The following PAX5 variants were observed in gnomAD, a reference collection of about 807,000 sequenced individuals.
PAX5 encodes the protein paired box protein Pax-5.
PAX5 carries 9 observed loss-of-function variants against 43.7 expected under a neutral mutation model. The observed-to-expected ratio is 0.21, with a 90% CI of 0.12 to 0.36. The LOEUF (loss-of-function observed/expected upper bound fraction) is 0.36, where lower values mean the gene tolerates loss of function less well. Ranked by LOEUF, PAX5 falls within the 10% of genes least tolerant of loss-of-function variation. The pLI, the probability that PAX5 is intolerant of heterozygous loss-of-function variation, is 1.00. For missense variants in PAX5, 383 were observed against 532.7 expected, an observed-to-expected ratio of 0.72 and a Z score of 2.77; for synonymous variants, 228 against 214.3, an observed-to-expected ratio of 1.06 and a Z score of -0.56.
intron 6 of PAX5, among the ~76,000 whole-genome samples, chr9:36,924,877 C>G (rs1488235529): frequency 6.1e-5 from 1 of 16,416 alleles, no homozygotes; most frequent in Non-Finnish European, 1.5e-4. Flanking sequence ...AACACTTAAG[C>G]CAACAAATTT....
intron 6 of PAX5, among the ~76,000 whole-genome samples, chr9:36,954,238 G>T (rs1412349885): frequency 6.6e-6 from 1 of 152,118 alleles, no homozygotes; most frequent in Non-Finnish European, 1.5e-5. Flanking sequence ...TAATCTGGCA[G>T]ATCTCAGCTG....
At position 37,034,104 on chromosome 9, in the gene PAX5, T is replaced by TC. The variant is rs1588295900; in HGVS notation, c.-74_-73insG. 3 of 645,028 alleles carry TC rather than the reference T, an allele frequency of 4.7e-6. No individual in the cohort carries two copies. Among genetic ancestry groups the TC allele is most frequent in the African/African-American group, 4.1e-5 (2 of 48,556 alleles). 40.0% of individuals were successfully genotyped at this position (645,028 alleles called of 1,614,324 possible). A position where few individuals can be genotyped will look rare whatever the true frequency, so the allele number is the denominator to read the frequency against. ...TTTTTGTGCCTTTTTTTTTCTTTTT[T>TC]TTTTTTTTTTTTTTTTTTTTTTGGT... On this transcript the variant is annotated 5_prime_UTR_variant, in exon 1 of 10. Transcript: ENST00000358127.
intron 5 of PAX5, among the ~76,000 whole-genome samples, chr9:36,976,832 C>A (rs964983309): frequency 6.6e-6 from 1 of 152,186 alleles, no homozygotes; most frequent in Non-Finnish European, 1.5e-5. Flanking sequence ...GCTGGTGATT[C>A]CACATTCGAG....
At chr9:36,965,896 G>T (rs1455805252) in intron 6 of PAX5, among the ~76,000 whole-genome samples, 8 of 152,286 alleles carry the variant, frequency 5.3e-5, no homozygotes, top group Admixed American at 5.2e-4. Flanking sequence ...TCACTGGGCC[G>T]AGCCTCGTGA....
At chr9:36,976,651 A>G (rs1464102875) in intron 5 of PAX5, among the ~76,000 whole-genome samples, 2 of 152,000 alleles carry the variant, frequency 1.3e-5, no homozygotes, top group African/African-American at 4.8e-5. Flanking sequence ...GAAAATTTCC[A>G]CTGAAACTAC....
At chr9:36,850,289 C>T (rs149460315) in intron 8 of PAX5, among the ~76,000 whole-genome samples, 59 of 152,338 alleles carry the variant, frequency 3.9e-4, no homozygotes, top group Non-Finnish European at 6.6e-4. Flanking sequence ...GGAGGACAGG[C>T]TGGAGGAGGA....
chr9:36,881,917 G>T, intron 8 of PAX5, 87 bp downstream of exon 8: 1 of 959,490 alleles, frequency 1.0e-6, no homozygotes, highest in Non-Finnish European at 1.6e-6. Context: ...GAAGCGTAGA[G>T]GTCACCCAGG....
In PAX5 at chr9:37,015,113, T is replaced by G. The variant is rs1212636536; in HGVS notation, c.294A>C (p.Lys98Asn). The G allele has an allele frequency of 6.2e-7, 1 of 1,614,212 alleles. No individual in the cohort carries two copies. The highest frequency in any genetic ancestry group is 1.1e-5 in the South Asian group (1 of 91,084). The part of the protein sequence containing the change: ...PKVATPKVVE[K>N]IAEYKRQNPT... The stretch of plus-strand genomic sequence containing the variant: ...GATTTTGGCGTTTATATTCAGCGAT[T>G]TTTTCCACCACTTTGGGTGTGGCGA... The change falls in exon 3 of 10, where the codon AAA becomes AAC. Residue 98 changes from lysine (K) to asparagine (N), a missense_variant. Lys to Asn is a moderately conservative substitution (Grantham distance 94, BLOSUM62 0). This residue lies in a region of PAX5 where 33 missense variants were observed against 70.6 expected (regional missense o/e 0.47). Coordinates refer to ENST00000358127, the MANE Select transcript of PAX5 (RefSeq NM_016734.3). The surrounding 1 kb of genome is among the most constrained non-coding windows in gnomAD (Gnocchi z 4.4).
At chr9:36,926,642 A>C (rs1940193422) in intron 6 of PAX5, among the ~76,000 whole-genome samples, 1 of 152,194 alleles carries the variant, frequency 6.6e-6, no homozygotes, top group Admixed American at 6.5e-5. Flanking sequence ...GCAGGTCAAA[A>C]TGCCTCTGAC....
intron 5 of PAX5, among the ~76,000 whole-genome samples, chr9:36,969,380 C>A (rs1467354704): frequency 6.6e-6 from 1 of 152,144 alleles, no homozygotes; most frequent in African/African-American, 2.4e-5. Flanking sequence ...GACTCATGGG[C>A]CAGGCTCTTT....
intron 8 of PAX5, among the ~76,000 whole-genome samples, chr9:36,855,553 C>T (rs535597888): frequency 6.6e-6 from 1 of 152,318 alleles, no homozygotes; most frequent in South Asian, 2.1e-4. Context: ...GATTTGTGTG[C>T]ATGCGTGAGG....
chr9:36,911,352 G>T (rs1419647755), intron 7 of PAX5, among the ~76,000 whole-genome samples: 4 of 151,944 alleles, frequency 2.6e-5, no homozygotes, highest in Admixed American at 2.6e-4. Context: ...AGATCGGGGG[G>T]GTCTCCCTAT....
At chr9:37,030,986 A>G (rs1331953954) in intron 1 of PAX5, among the ~76,000 whole-genome samples, 5 of 152,230 alleles carry the variant, frequency 3.3e-5, no homozygotes, top group Non-Finnish European at 7.3e-5. Context: ...TTCATTTTTA[A>G]AAAATAAAAA....
At chr9:37,013,970 G>C (rs1163685299) in intron 3 of PAX5, among the ~76,000 whole-genome samples, 2 of 152,154 alleles carry the variant, frequency 1.3e-5, no homozygotes, top group African/African-American at 4.8e-5. Context: ...ATTCTGCCAG[G>C]AGTGAGGGTC....
At chr9:36,962,769 G>T (rs1000723698) in intron 6 of PAX5, among the ~76,000 whole-genome samples, 1 of 152,188 alleles carries the variant, frequency 6.6e-6, no homozygotes, top group East Asian at 1.9e-4. Flanking sequence ...CAGCGAAAGT[G>T]ACAGCAAGGC....
chr9:36,863,380 C>T lies in PAX5; in HGVS notation c.1013-16451G>A, dbSNP rs200388259. Among the ~76,000 whole-genome samples the T allele has an allele frequency of 4.4e-4, 67 of 152,370 alleles. No individual in the cohort carries two copies. The East Asian group carries it at 7.3e-3, about 17-fold the overall frequency. On this transcript the variant is annotated intron_variant, in intron 8 of 9. Coordinates refer to ENST00000358127, the MANE Select transcript of PAX5 (RefSeq NM_016734.3). ...CTGGTCTCACACGAGCCTCCCGCCTCGGCCTCCCCGAGTGCTGGGATTACA... is the reference window on the plus strand; with the variant it reads ...CTGGTCTCACACGAGCCTCCCGCCTTGGCCTCCCCGAGTGCTGGGATTACA...
At chr9:36,865,337 G>C (rs1824764936) in intron 8 of PAX5, among the ~76,000 whole-genome samples, 2 of 152,216 alleles carry the variant, frequency 1.3e-5, no homozygotes, top group Non-Finnish European at 2.9e-5. Flanking sequence ...CCTGGGCCTA[G>C]CAATCCTGCA....
intron 4 of PAX5, 102 bp downstream of exon 4, chr9:37,006,371 A>G: frequency 6.0e-6 from 5 of 831,578 alleles, no homozygotes; most frequent in Non-Finnish European, 2.0e-6. Flanking sequence ...CGTGTGCTGA[A>G]GTGTTTTATG....
intron 7 of PAX5, among the ~76,000 whole-genome samples, chr9:36,914,809 A>G (rs1283424595): frequency 1.3e-5 from 2 of 152,236 alleles, no homozygotes; most frequent in Non-Finnish European, 2.9e-5. Flanking sequence ...CCGGATCTTC[A>G]CATACAAGCA....
Sources: allele counts gnomAD v4.1 joint callset (sites outside exome capture counted in the v4.1 genomes callset), GRCh38; gene constraint gnomAD v4.1.1; regional missense constraint gnomAD v4.1.1; non-coding constraint Gnocchi (gnomAD v3.1); transcripts MANE v1.5; gene names NCBI Gene and HGNC (gene_info 2026-07-23, HGNC 2026-07-21).